Variants in DCC observed in about 807,000 individuals in gnomAD.
The protein encoded by DCC is DCC netrin 1 receptor.
DCC carries 58 observed loss-of-function variants against 172.5 expected under a neutral mutation model. The ratio of observed to expected loss-of-function variants is 0.34; its 90% CI spans 0.27 to 0.42. The LOEUF (loss-of-function observed/expected upper bound fraction) is 0.42, where lower values mean the gene tolerates loss of function less well. Ranked by LOEUF, DCC falls within the 10% of genes least tolerant of loss-of-function variation. The pLI is 1.00. For synonymous variants in DCC, 709 were observed against 644.5 expected (o/e 1.10, Z -1.52); for missense variants, 1,740 against 1,791.0 (o/e 0.97, Z 0.51).
At chr18:52,678,940 A>G (rs1469063599) in intron 1 of DCC, among the ~76,000 whole-genome samples, 1 of 152,042 alleles carries the variant, frequency 6.6e-6, no homozygotes, top group Non-Finnish European at 1.5e-5. Context: ...CATTTCCGAT[A>G]GTAACCTCCT....
At chr18:52,438,947 A>C (rs1568170925) in intron 1 of DCC, among the ~76,000 whole-genome samples, 1 of 152,192 alleles carries the variant, frequency 6.6e-6, no homozygotes, top group Non-Finnish European at 1.5e-5. Flanking sequence ...TGAAAAGATC[A>C]ATCAAAGGCA....
rs140657829 is a variant in DCC at position 52,878,649 on chromosome 18, CAT to C, written c.413-27394_413-27393del. On this transcript the variant is annotated intron_variant, in intron 2 of 28. Transcript: ENST00000442544. ...CCCATGAAGTCATTATTTTCTCTCACATGTTATTTTTACTTATTTGTTTATTA... is the reference window on the plus strand; with the variant it reads ...CCCATGAAGTCATTATTTTCTCTCACGTTATTTTTACTTATTTGTTTATTA... Among the ~76,000 whole-genome samples, 431 of 152,288 alleles carry C rather than the reference CAT, an allele frequency of 2.8e-3. 1 individual carries two copies. The highest frequency in any genetic ancestry group is 5.4e-3 in the Non-Finnish European group (369 of 68,026).
chr18:52,570,333 C>T (rs1397911870), intron 1 of DCC, among the ~76,000 whole-genome samples: 2 of 152,004 alleles, frequency 1.3e-5, no homozygotes, highest in Non-Finnish European at 2.9e-5. Flanking sequence ...ATGCTTCTCC[C>T]GTTTATATAG....
In DCC at chr18:53,397,292, T is replaced by A. The variant is rs934814983; in HGVS notation, c.2689-16T>A. 6.2e-7 allele frequency: 1 copy of A among 1,611,740 alleles called. No homozygotes were observed. The highest frequency in any genetic ancestry group is 8.5e-7 in the Non-Finnish European group (1 of 1,177,994). ...GAGTTTATTTTTTATCTCTTTGCTA[T>A]TTCCTACTTGTATAGTCAGAAGACA... On this transcript the variant is annotated splice_polypyrimidine_tract_variant and intron_variant, in intron 17 of 28. Coordinates refer to ENST00000442544, the MANE Select transcript of DCC (RefSeq NM_005215.4).
chr18:52,882,871 T>C (rs1331204812), intron 2 of DCC, among the ~76,000 whole-genome samples: 1 of 152,138 alleles, frequency 6.6e-6, no homozygotes, highest in Non-Finnish European at 1.5e-5. Flanking sequence ...CCAGCTGTTA[T>C]CATATTGGTG....
At chr18:52,684,790 T>G (rs1406768998) in intron 1 of DCC, among the ~76,000 whole-genome samples, 1 of 152,138 alleles carries the variant, frequency 6.6e-6, no homozygotes, top group Non-Finnish European at 1.5e-5. Context: ...GATCTTCAAG[T>G]GTACAGGTGG....
intron 1 of DCC, among the ~76,000 whole-genome samples, chr18:52,706,914 C>G (rs1486783057): frequency 6.6e-6 from 1 of 151,984 alleles, no homozygotes; most frequent in Non-Finnish European, 1.5e-5. Flanking sequence ...CAGAGAGGGT[C>G]CCAGGGAGAG....
At chr18:53,040,340 A>G (rs907104528) in intron 5 of DCC, among the ~76,000 whole-genome samples, 2 of 152,026 alleles carry the variant, frequency 1.3e-5, no homozygotes, top group Non-Finnish European at 2.9e-5. Flanking sequence ...CAGGATTTGG[A>G]GTAAGCCCTA....
rs577304213 is a variant in DCC, at chr18:52,455,995, G to T, written c.91+115117G>T. Among the ~76,000 whole-genome samples the T allele has an allele frequency of 7.2e-5, 11 of 152,232 alleles. No individual in the cohort carries two copies. The East Asian group carries it at 1.4e-3, about 19-fold the overall frequency. The stretch of plus-strand genomic sequence containing the variant: ...TGAAACAAACAAACAAACAAAAAAA[G>T]GTTAACTTTTGGTTTTCCTGCCTTA... On this transcript the variant is annotated intron_variant, in intron 1 of 28. Transcript: ENST00000442544.
chr18:53,064,028 A>G (rs2042534045), intron 6 of DCC, among the ~76,000 whole-genome samples: 1 of 152,190 alleles, frequency 6.6e-6, no homozygotes, highest in African/African-American at 2.4e-5. Flanking sequence ...ATAGGCCATG[A>G]AGAACCAGAG....
intron 1 of DCC, among the ~76,000 whole-genome samples, chr18:52,372,119 A>G (rs1444857110): frequency 6.6e-6 from 1 of 152,222 alleles, no homozygotes; most frequent in Non-Finnish European, 1.5e-5. Flanking sequence ...TGGGGTGAAC[A>G]ATGCTTTAGT....
chr18:53,394,345 G>A (rs1908775418), intron 17 of DCC, among the ~76,000 whole-genome samples: 1 of 152,156 alleles, frequency 6.6e-6, no homozygotes, highest in African/African-American at 2.4e-5. Flanking sequence ...AACTAGAGCA[G>A]GATCTCAGGT....
At chr18:52,550,608 A>G (rs2032743089) in intron 1 of DCC, among the ~76,000 whole-genome samples, 1 of 152,106 alleles carries the variant, frequency 6.6e-6, no homozygotes, top group Admixed American at 6.6e-5. Context: ...CAAGGCTCCA[A>G]GGTACATATC....
chr18:52,414,251 T>G lies in DCC; in HGVS notation c.91+73373T>G, dbSNP rs760965421. Reference sequence around the variant, plus strand: ...GCCCGCCACCATGCCTGGCTAATTATTTTTGTATTTTTAGTAGAGACAGTG... The same window carrying G: ...GCCCGCCACCATGCCTGGCTAATTAGTTTTGTATTTTTAGTAGAGACAGTG... On this transcript the variant is annotated intron_variant, in intron 1 of 28. Coordinates refer to ENST00000442544, the MANE Select transcript of DCC (RefSeq NM_005215.4). Among the ~76,000 whole-genome samples the G allele has an allele frequency of 2.9e-4, 44 of 151,978 alleles. 1 individual carries two copies. Among genetic ancestry groups the G allele is most frequent in the Non-Finnish European group, 5.1e-4 (35 of 68,008 alleles).
intron 12 of DCC, among the ~76,000 whole-genome samples, chr18:53,244,809 T>G (rs1389003816): frequency 8.5e-5 from 13 of 152,128 alleles, no homozygotes; most frequent in Non-Finnish European, 1.5e-4. Context: ...GGTTTACATA[T>G]TCCTAATTTA....
At chr18:52,705,605 C>T (rs2036194522) in intron 1 of DCC, among the ~76,000 whole-genome samples, 1 of 152,130 alleles carries the variant, frequency 6.6e-6, no homozygotes, top group Non-Finnish European at 1.5e-5. Context: ...CACAGGGGTT[C>T]TTTGGACTGT....
At chr18:52,745,292 T>A (rs2036889656) in intron 1 of DCC, among the ~76,000 whole-genome samples, 1 of 152,116 alleles carries the variant, frequency 6.6e-6, no homozygotes, top group South Asian at 2.1e-4. Flanking sequence ...ATATGAAAAG[T>A]CATGGCAAGA....
intron 2 of DCC, among the ~76,000 whole-genome samples, chr18:52,766,301 G>A (rs2037251572): frequency 6.6e-6 from 1 of 152,226 alleles, no homozygotes; most frequent in Non-Finnish European, 1.5e-5. Flanking sequence ...CCCAGAGGGT[G>A]TGTTACAGTG....
chr18:53,520,236 T>TGAG (rs1568184298), intron 27 of DCC, among the ~76,000 whole-genome samples: 1 of 152,096 alleles, frequency 6.6e-6, no homozygotes, highest in African/African-American at 2.4e-5. Flanking sequence ...ACAGTAGCAG[T>TGAG]GAGTCCATCA....
Sources: gnomAD v4.1 joint callset for allele counts (sites outside exome capture counted in the v4.1 genomes callset) on GRCh38, gnomAD v4.1.1 for gene constraint, MANE v1.5 for transcripts, NCBI Gene and HGNC (gene_info 2026-07-23, HGNC 2026-07-21) for gene names.